The following SORCS1 variants were observed in gnomAD, a reference collection of about 807,000 sequenced individuals.
SORCS1 encodes VPS10 domain-containing receptor SorCS1.
Under a neutral mutation model 146.1 loss-of-function variants are expected in SORCS1, and 60 were observed. The ratio of observed to expected loss-of-function variants is 0.41; its 90% confidence interval spans 0.33 to 0.51. SORCS1 has a LOEUF of 0.51. SORCS1 is among the 20% of genes least tolerant of loss of function. SORCS1 has a pLI of 0.21. For synonymous variants in SORCS1, 637 were observed against 584.0 expected, an observed-to-expected ratio of 1.09 and a Z score of -1.31; for missense variants, 1,352 against 1,487.6, an observed-to-expected ratio of 0.91 and a Z score of 1.50.
At chr10:107,008,710 T>C (rs567032007) in intron 1 of SORCS1, among the ~76,000 whole-genome samples, 5 of 152,224 alleles carry the variant, frequency 3.3e-5, no homozygotes, top group East Asian at 3.9e-4. Flanking sequence ...AAATGGTTAT[T>C]ATATGGGCCG....
At chr10:106,939,864 T>C (rs1953940886) in intron 2 of SORCS1, among the ~76,000 whole-genome samples, 1 of 152,210 alleles carries the variant, frequency 6.6e-6, no homozygotes, top group African/African-American at 2.4e-5. Context: ...TACGATATAA[T>C]GCCTGTTGAG....
At chr10:106,705,638 C>T (rs945623460) in intron 8 of SORCS1, among the ~76,000 whole-genome samples, 3 of 152,200 alleles carry the variant, frequency 2.0e-5, no homozygotes, top group African/African-American at 4.8e-5. Flanking sequence ...TAGCCACATG[C>T]ATCTCCCTTG....
At chr10:106,773,955 A>C (rs1860230306) in intron 4 of SORCS1, among the ~76,000 whole-genome samples, 1 of 152,172 alleles carries the variant, frequency 6.6e-6, no homozygotes, top group African/African-American at 2.4e-5. Context: ...TCTCAAAAAA[A>C]AAAAGAATGA....
At chr10:106,802,634 G>T (rs1946962596) in intron 3 of SORCS1, among the ~76,000 whole-genome samples, 1 of 152,166 alleles carries the variant, frequency 6.6e-6, no homozygotes, top group Non-Finnish European at 1.5e-5. Flanking sequence ...ACGTAGCTGG[G>T]ATTACAGGCA....
chr10:106,910,740 A>C (rs1300946608), intron 2 of SORCS1, among the ~76,000 whole-genome samples: 86 of 152,312 alleles, frequency 5.6e-4, no homozygotes. Flanking sequence ...ATGGTCCTTC[A>C]GTGTGCTGCC....
chr10:106,664,007 G>A (rs1850936241), intron 17 of SORCS1, among the ~76,000 whole-genome samples: 1 of 152,190 alleles, frequency 6.6e-6, no homozygotes, highest in South Asian at 2.1e-4. Context: ...GCTCACCAAT[G>A]CTGATGCTTT....
At chr10:106,889,463 G>C (rs1477089687) in intron 2 of SORCS1, among the ~76,000 whole-genome samples, 1 of 152,054 alleles carries the variant, frequency 6.6e-6, no homozygotes, top group African/African-American at 2.4e-5. Context: ...TGTCTATTAA[G>C]GTATAAAAAG....
At chr10:106,837,895 G>C (rs545078018) in intron 2 of SORCS1, among the ~76,000 whole-genome samples, 1 of 151,810 alleles carries the variant, frequency 6.6e-6, no homozygotes, top group African/African-American at 2.4e-5. Flanking sequence ...AGCACACTCT[G>C]CCCTTCCTAG....
At chr10:106,785,325 A>C (rs567123973) in intron 3 of SORCS1, among the ~76,000 whole-genome samples, 4 of 152,208 alleles carry the variant, frequency 2.6e-5, no homozygotes, top group Admixed American at 6.5e-5. Flanking sequence ...TCTTTCCCAA[A>C]ATTCATTTAC....
chr10:107,107,940 C>G (rs1458057101), intron 1 of SORCS1, among the ~76,000 whole-genome samples: 1 of 152,208 alleles, frequency 6.6e-6, no homozygotes, highest in Non-Finnish European at 1.5e-5. Context: ...GACCCTGAAA[C>G]AGCTCTGAAA....
At position 107,060,712 on chromosome 10, in the gene SORCS1, T is replaced by A. The variant is rs1183468788; in HGVS notation, c.558+103257A>T. Reference sequence around the variant, plus strand: ...TCCTCTCTTGACACTTGCAGTCATGTTTACTCTTAGACAATATCTTTTTAC... The same window carrying A: ...TCCTCTCTTGACACTTGCAGTCATGATTACTCTTAGACAATATCTTTTTAC... On this transcript the variant is annotated intron_variant, in intron 1 of 25. Coordinates refer to ENST00000263054, the MANE Select transcript of SORCS1 (RefSeq NM_052918.5). The surrounding 1 kb of genome is among the most constrained non-coding windows in gnomAD (Gnocchi z 4.1). Among the ~76,000 whole-genome samples, 1 of 152,194 alleles carries A rather than the reference T, an allele frequency of 6.6e-6. No homozygotes were observed. Among genetic ancestry groups the A allele is most frequent in the Non-Finnish European group, 1.5e-5 (1 of 68,028 alleles).
intron 1 of SORCS1, among the ~76,000 whole-genome samples, chr10:107,094,444 A>C (rs113092888): frequency 1.3e-3 from 202 of 152,282 alleles, no homozygotes; most frequent in African/African-American, 4.6e-3. Context: ...TTTTTCCTTA[A>C]GCACTTTGTT....
chr10:107,013,034 T>C (rs1957751688), intron 1 of SORCS1, among the ~76,000 whole-genome samples: 2 of 152,156 alleles, frequency 1.3e-5, no homozygotes, highest in African/African-American at 2.4e-5. Context: ...TCTCCCTTGG[T>C]GGAGTTCCTT....
chr10:106,730,271 A>G (rs1382404966), intron 5 of SORCS1, among the ~76,000 whole-genome samples, 157 bp from the exon 6 acceptor site: 1 of 152,234 alleles, frequency 6.6e-6, no homozygotes. Flanking sequence ...ACAGCCTGAC[A>G]GTAAAATTTC....
intron 6 of SORCS1, among the ~76,000 whole-genome samples, chr10:106,726,808 C>T (rs995975898): frequency 5.9e-5 from 9 of 152,238 alleles, no homozygotes; most frequent in African/African-American, 1.4e-4. Flanking sequence ...GACTCTCGGC[C>T]GGGTGCGGTG....
intron 2 of SORCS1, among the ~76,000 whole-genome samples, chr10:106,912,010 G>A (rs1342433365): frequency 6.6e-6 from 1 of 151,804 alleles, no homozygotes; most frequent in Non-Finnish European, 1.5e-5. Context: ...CTACTCAGGA[G>A]GCTGAGACAG....
intron 1 of SORCS1, among the ~76,000 whole-genome samples, chr10:107,118,844 G>C (rs867457299): frequency 3.3e-5 from 5 of 152,120 alleles, no homozygotes; most frequent in African/African-American, 1.2e-4. Flanking sequence ...AATGGATACA[G>C]ACAAGACATG....
chr10:106,737,885 T>C (rs1322466877), intron 5 of SORCS1, among the ~76,000 whole-genome samples: 2 of 152,222 alleles, frequency 1.3e-5, no homozygotes, highest in African/African-American at 4.8e-5. Flanking sequence ...ATATTTTTAA[T>C]AAGGTTTCTT....
At chr10:107,162,396 T>C (rs1433510745) in intron 1 of SORCS1, among the ~76,000 whole-genome samples, 1 of 152,206 alleles carries the variant, frequency 6.6e-6, no homozygotes, top group Non-Finnish European at 1.5e-5. Flanking sequence ...TTTAAGAAGA[T>C]TCGAGTTCAA....
Sources: allele counts gnomAD v4.1 joint callset (sites outside exome capture counted in the v4.1 genomes callset), GRCh38; gene constraint gnomAD v4.1.1; non-coding constraint Gnocchi (gnomAD v3.1); transcripts MANE v1.5; gene names NCBI Gene and HGNC (gene_info 2026-07-23, HGNC 2026-07-21).